Variants in HS3ST4 observed in about 807,000 individuals in gnomAD.
HS3ST4 encodes the protein heparan sulfate glucosamine 3-O-sulfotransferase 4.
HS3ST4 carries 17 observed loss-of-function variants against 29.2 expected under a neutral mutation model. That is an observed-to-expected ratio of 0.58 (90% CI 0.40 to 0.87). HS3ST4 has a LOEUF of 0.87. HS3ST4 is among the 40% of genes least tolerant of loss of function. The pLI is 0.00. For missense variants in HS3ST4, 627 were observed against 634.5 expected, an observed-to-expected ratio of 0.99 and a Z score of 0.13; for synonymous variants, 314 against 285.7, an observed-to-expected ratio of 1.10 and a Z score of -1.00.
At chr16:25,937,439 C>T (rs966865320) in intron 1 of HS3ST4, among the ~76,000 whole-genome samples, 10 of 152,248 alleles carry the variant, frequency 6.6e-5, no homozygotes, top group Middle Eastern at 3.4e-3. Flanking sequence ...TAAAGGGACT[C>T]CTACGTGATC....
chr16:26,127,961 A>C (rs1231194095), intron 1 of HS3ST4, among the ~76,000 whole-genome samples: 1 of 152,006 alleles, frequency 6.6e-6, no homozygotes, highest in East Asian at 1.9e-4. Context: ...TATTTCAATT[A>C]TTTGTGCATC....
intron 1 of HS3ST4, among the ~76,000 whole-genome samples, chr16:25,887,820 C>G (rs541261568): frequency 2.0e-5 from 3 of 151,306 alleles, no homozygotes; most frequent in East Asian, 3.9e-4. Context: ...GCCTCAGCCT[C>G]CAGAGTAGCT....
chr16:26,111,991 C>T lies in HS3ST4; in HGVS notation c.735-23621C>T, dbSNP rs62036777. ...AAGATCATGCCACTGCACTCCAGCC[C>T]GGCGACAGAGTGAGACTCCACTCAA... On this transcript the variant is annotated intron_variant, in intron 1 of 1. Coordinates refer to ENST00000331351, the MANE Select transcript of HS3ST4 (RefSeq NM_006040.3). Among the ~76,000 whole-genome samples, 914 of 146,402 alleles carry T rather than the reference C, an allele frequency of 6.2e-3. 7 individuals are homozygous for T. Among genetic ancestry groups the T allele is most frequent in the Middle Eastern group, 0.022 (6 of 274 alleles).
chr16:25,736,144 C>T (rs990960557), intron 1 of HS3ST4, among the ~76,000 whole-genome samples: 2 of 152,128 alleles, frequency 1.3e-5, no homozygotes, highest in East Asian at 1.9e-4. Flanking sequence ...ACAGGGCTTC[C>T]CACGTTGTCT....
chr16:26,121,371 G>A (rs1292415573), intron 1 of HS3ST4, among the ~76,000 whole-genome samples: 7 of 152,204 alleles, frequency 4.6e-5, no homozygotes, highest in African/African-American at 9.6e-5. Flanking sequence ...AGTAAAGGGT[G>A]TTCCAGGAAA....
chr16:25,923,578 T>A (rs1222482440), intron 1 of HS3ST4, among the ~76,000 whole-genome samples: 1 of 152,174 alleles, frequency 6.6e-6, no homozygotes, highest in African/African-American at 2.4e-5. Context: ...TATACTGTAT[T>A]TACCTGCAAC....
chr16:25,729,120 A>G (rs1298191053), intron 1 of HS3ST4, among the ~76,000 whole-genome samples: 2 of 152,060 alleles, frequency 1.3e-5, no homozygotes, highest in Non-Finnish European at 2.9e-5. Flanking sequence ...AAAAATAGTA[A>G]TTTTGGGGTA....
intron 1 of HS3ST4, among the ~76,000 whole-genome samples, chr16:26,105,195 G>A (rs934359087): frequency 3.9e-5 from 6 of 152,266 alleles, no homozygotes; most frequent in African/African-American, 1.2e-4. Context: ...GTCATTTGCA[G>A]CAATATGAAT....
chr16:26,036,952 T>C (rs953098670), intron 1 of HS3ST4, among the ~76,000 whole-genome samples: 1 of 152,164 alleles, frequency 6.6e-6, no homozygotes, highest in African/African-American at 2.4e-5. Context: ...AGAAACAATG[T>C]CTTTAAGACC....
intron 1 of HS3ST4, among the ~76,000 whole-genome samples, chr16:25,843,266 C>T (rs1177272368): frequency 2.0e-5 from 3 of 152,178 alleles, no homozygotes; most frequent in African/African-American, 7.2e-5. Context: ...ACAGACGATG[C>T]TATCAACTGG....
At chr16:25,837,903 C>T (rs953510720) in intron 1 of HS3ST4, among the ~76,000 whole-genome samples, 1 of 152,096 alleles carries the variant, frequency 6.6e-6, no homozygotes, top group Non-Finnish European at 1.5e-5. Flanking sequence ...GCATAGTACC[C>T]GAAAGGTAGT....
intron 1 of HS3ST4, among the ~76,000 whole-genome samples, chr16:25,779,949 C>G (rs1966851150): frequency 6.6e-6 from 1 of 152,196 alleles, no homozygotes; most frequent in Non-Finnish European, 1.5e-5. Flanking sequence ...GAGTCCATTT[C>G]CACTGATTTC....
intron 1 of HS3ST4, among the ~76,000 whole-genome samples, chr16:25,841,100 G>A (rs987278865): frequency 1.4e-4 from 21 of 151,768 alleles, no homozygotes; most frequent in Admixed American, 1.2e-3. Context: ...CGCCCCCCGG[G>A]GTTCATGCCA....
intron 1 of HS3ST4, chr16:26,032,939 G>T: frequency 1.3e-6 from 1 of 752,306 alleles, no homozygotes; most frequent in South Asian, 1.5e-5. Context: ...TTTTAAGACT[G>T]ATTTAGATTC....
At chr16:25,831,433 A>ACACT (rs1967298462) in intron 1 of HS3ST4, among the ~76,000 whole-genome samples, 1 of 149,234 alleles carries the variant, frequency 6.7e-6, no homozygotes, top group Non-Finnish European at 1.5e-5. Context: ...ACACACACAC[A>ACACT]CACACACACA....
At chr16:26,105,332 C>G (rs1023849929) in intron 1 of HS3ST4, among the ~76,000 whole-genome samples, 1 of 152,028 alleles carries the variant, frequency 6.6e-6, no homozygotes, top group Non-Finnish European at 1.5e-5. Flanking sequence ...ATGATAGACA[C>G]TGGTGAATAC....
chr16:25,886,613 G>A (rs1967956225), intron 1 of HS3ST4: 1 of 152,214 alleles, frequency 6.6e-6, no homozygotes, highest in African/African-American at 2.4e-5. Flanking sequence ...GGTGGGGTGA[G>A]AAGGAAACAA....
At chr16:26,121,790 C>G (rs1387395985) in intron 1 of HS3ST4, among the ~76,000 whole-genome samples, 2 of 152,016 alleles carry the variant, frequency 1.3e-5, no homozygotes, top group Non-Finnish European at 2.9e-5. Flanking sequence ...AACGCTGAGA[C>G]CAAGGAAAGA....
At chr16:26,007,524 T>C (rs1459107622) in intron 1 of HS3ST4, among the ~76,000 whole-genome samples, 1 of 152,228 alleles carries the variant, frequency 6.6e-6, no homozygotes, top group Non-Finnish European at 1.5e-5. Flanking sequence ...AAAGGAACAC[T>C]ATCTGAAAGT....
Sources: gnomAD v4.1 joint callset for allele counts (sites outside exome capture counted in the v4.1 genomes callset) on GRCh38, gnomAD v4.1.1 for gene constraint, MANE v1.5 for transcripts, NCBI Gene and HGNC (gene_info 2026-07-23, HGNC 2026-07-21) for gene names.